Variants in RAB43 observed in about 807,000 individuals in gnomAD.
The protein encoded by RAB43 is ras-related protein Rab-43.
In RAB43, 6 loss-of-function variants were observed where a neutral mutation model predicts 18.8. The observed-to-expected ratio is 0.32, with a 90% CI of 0.17 to 0.63. The LOEUF (loss-of-function observed/expected upper bound fraction) is 0.63, where lower values mean the gene tolerates loss of function less well. RAB43 is among the 30% of genes least tolerant of loss of function. The pLI is 0.79. For missense variants in RAB43, 195 were observed against 289.1 expected (o/e 0.67, Z 2.36); for synonymous variants, 103 against 124.1 (o/e 0.83, Z 1.13).
chr3:129,116,823 G>A (rs2107582521), intron 1 of RAB43, among the ~76,000 whole-genome samples: 1 of 152,290 alleles, frequency 6.6e-6, no homozygotes, highest in East Asian at 1.9e-4. Context: ...GGTGTGCCTA[G>A]TGATCTGCAA....
intron 1 of RAB43, among the ~76,000 whole-genome samples, chr3:129,116,640 A>C (rs1214268171): frequency 6.6e-6 from 1 of 152,190 alleles, no homozygotes; most frequent in African/African-American, 2.4e-5. Flanking sequence ...GGGAAGCTTG[A>C]GAGTCAAGGC....
chr3:129,118,683 G>A (rs1292330226), intron 1 of RAB43, among the ~76,000 whole-genome samples: 1 of 152,202 alleles, frequency 6.6e-6, no homozygotes, highest in African/African-American at 2.4e-5. Context: ...CAGGCCCTGA[G>A]AAGGTTTATT....
At chr3:129,115,806 G>A (rs1216372486) in intron 1 of RAB43, among the ~76,000 whole-genome samples, 2 of 152,224 alleles carry the variant, frequency 1.3e-5, no homozygotes, top group African/African-American at 4.8e-5. Context: ...GGACGACAGA[G>A]TGAGATTCTG....
intron 1 of RAB43, among the ~76,000 whole-genome samples, chr3:129,097,104 G>A (rs1391913047): frequency 6.6e-6 from 1 of 151,946 alleles, no homozygotes; most frequent in African/African-American, 2.4e-5. Context: ...CAGAGTGAGT[G>A]AGACTGTCTC....
chr3:129,117,443 CTCAGAT>C (rs1935619360), intron 1 of RAB43, among the ~76,000 whole-genome samples: 1 of 152,186 alleles, frequency 6.6e-6, no homozygotes, highest in African/African-American at 2.4e-5. Flanking sequence ...ATAAGCAGCA[CTCAGAT>C]TCACTTTATA....
chr3:129,103,436 C>G (rs1190283143), intron 1 of RAB43, among the ~76,000 whole-genome samples: 1 of 152,198 alleles, frequency 6.6e-6, no homozygotes, highest in Non-Finnish European at 1.5e-5. Flanking sequence ...CAGGATCTGC[C>G]TCTAGCTGCC....
chr3:129,100,157 A>T (rs1934329484), intron 1 of RAB43, among the ~76,000 whole-genome samples: 1 of 152,240 alleles, frequency 6.6e-6, no homozygotes, highest in Non-Finnish European at 1.5e-5. Context: ...GGGAACAACA[A>T]TACAAATGAC....
chr3:129,118,957 G>A (rs867017002), intron 1 of RAB43, among the ~76,000 whole-genome samples: 1 of 152,186 alleles, frequency 6.6e-6, no homozygotes, highest in African/African-American at 2.4e-5. Context: ...AAAACAGATC[G>A]GGGGTTGCCA....
chr3:129,102,610 G>A (rs1415983542), intron 1 of RAB43, among the ~76,000 whole-genome samples: 2 of 74,838 alleles, frequency 2.7e-5, no homozygotes, highest in African/African-American at 9.3e-5. Flanking sequence ...AGGCCTGGGT[G>A]ACAGAGCGAG....
chr3:129,093,914 G>A (rs1195479409), intron 2 of RAB43, among the ~76,000 whole-genome samples: 1 of 152,202 alleles, frequency 6.6e-6, no homozygotes, highest in Non-Finnish European at 1.5e-5. Flanking sequence ...ACTCCAGCCT[G>A]GGTGACTGAG....
At chr3:129,102,397 G>A (rs1282852413) in intron 1 of RAB43, among the ~76,000 whole-genome samples, 4 of 152,066 alleles carry the variant, frequency 2.6e-5, no homozygotes, top group Non-Finnish European at 4.4e-5. Context: ...TTGGAAGGCC[G>A]AGGCGGGCAG....
In RAB43 at chr3:129,095,276, G is replaced by C; in HGVS notation, c.205-107C>G. ...CCAGAGCTGTGGTTCCACTGGGCTA[G>C]GAGGCCTTCTGAGTCCTTAGAAAGC... is the stretch of plus-strand genomic sequence containing the variant. On this transcript the variant is annotated intron_variant, in intron 1 of 2. Coordinates refer to ENST00000315150, the MANE Select transcript of RAB43 (RefSeq NM_198490.3). The surrounding 1 kb of genome is among the most constrained non-coding windows in gnomAD (Gnocchi z 4.2). 1 of 1,452,040 alleles carries C rather than the reference G, an allele frequency of 6.9e-7. No individual in the cohort carries two copies. Among genetic ancestry groups the C allele is most frequent in the East Asian group, 2.4e-5 (1 of 41,330 alleles). 89.9% of individuals were successfully genotyped at this position (1,452,040 alleles called of 1,614,324 possible).
upstream of RAB43, chr3:129,122,101 C>G (rs1379137484): frequency 6.1e-6 from 1 of 163,196 alleles, no homozygotes; most frequent in Middle Eastern, 3.2e-3. Flanking sequence ...TCCCCAGCTC[C>G]GACCTCGACT....
intron 2 of RAB43, 97 bp downstream of exon 2, chr3:129,094,889 C>G (rs1933934561): frequency 6.8e-7 from 1 of 1,469,424 alleles, no homozygotes; most frequent in Non-Finnish European, 9.1e-7. Flanking sequence ...GGCTGGGACT[C>G]CCTCTGAACT....
chr3:129,112,174 G>A (rs1576842978), intron 1 of RAB43, among the ~76,000 whole-genome samples: 1 of 151,814 alleles, frequency 6.6e-6, no homozygotes, highest in Admixed American at 6.6e-5. Context: ...AGAATCACCT[G>A]AGCCCAAGGG....
chr3:129,105,748 C>A (rs1423601211), intron 1 of RAB43, among the ~76,000 whole-genome samples: 2 of 149,970 alleles, frequency 1.3e-5, no homozygotes, highest in Non-Finnish European at 3.0e-5. Flanking sequence ...CCATTGCACT[C>A]TAGCCTGGGC....
chr3:129,115,618 G>A (rs1481244604), intron 1 of RAB43, among the ~76,000 whole-genome samples: 1 of 152,078 alleles, frequency 6.6e-6, no homozygotes, highest in Non-Finnish European at 1.5e-5. Context: ...TCAGGAGTTT[G>A]AGACCAGCCT....
At chr3:129,106,138 C>G (rs1427756301) in intron 1 of RAB43, among the ~76,000 whole-genome samples, 4 of 152,194 alleles carry the variant, frequency 2.6e-5, no homozygotes, top group Admixed American at 2.0e-4. Flanking sequence ...TTAAAAGCAC[C>G]ACTGAAGTTC....
Position 129,094,978 on chromosome 3 carries a change from C to G in RAB43, c.388+8G>C. On this transcript the variant is annotated splice_region_variant and intron_variant, in intron 2 of 2. Coordinates refer to ENST00000315150, the MANE Select transcript of RAB43 (RefSeq NM_198490.3). ...GGGATTTGTGGTCCCGAGGAATCCC[C>G]AACTCACCGATCAGCAGCTGCACAA... 1 of 1,609,732 alleles carries G rather than the reference C, an allele frequency of 6.2e-7. No individual in the cohort carries two copies. The highest frequency in any genetic ancestry group is 8.5e-7 in the Non-Finnish European group (1 of 1,177,414).
Sources: gnomAD v4.1 joint callset for allele counts (sites outside exome capture counted in the v4.1 genomes callset) on GRCh38, gnomAD v4.1.1 for gene constraint, Gnocchi (gnomAD v3.1) non-coding constraint, MANE v1.5 for transcripts, NCBI Gene and HGNC (gene_info 2026-07-23, HGNC 2026-07-21) for gene names.